Variants in EMC3 observed in about 807,000 individuals in gnomAD.
EMC3 encodes ER membrane protein complex subunit 3.
A neutral mutation model predicts 36.6 loss-of-function variants in EMC3; 13 were observed. The observed-to-expected ratio is 0.35, with a 90% CI of 0.23 to 0.56. The LOEUF (loss-of-function observed/expected upper bound fraction) is 0.56. Ranked by LOEUF, EMC3 falls within the 20% of genes least tolerant of loss-of-function variation. The pLI is 0.84. For missense variants in EMC3, 220 were observed against 324.5 expected, an observed-to-expected ratio of 0.68 and a Z score of 2.47; for synonymous variants, 120 against 111.9, an observed-to-expected ratio of 1.07 and a Z score of -0.46.
intron 1 of EMC3, among the ~76,000 whole-genome samples, chr3:9,998,808 G>A (rs369110997): frequency 6.6e-6 from 1 of 152,278 alleles, no homozygotes; most frequent in African/African-American, 2.4e-5. Flanking sequence ...ACAAGTTGGA[G>A]TGCAGTGGTA....
intron 1 of EMC3, chr3:10,002,841 T>C (rs2086220780): frequency 2.2e-6 from 1 of 455,786 alleles, no homozygotes; most frequent in South Asian, 1.5e-5. Context: ...GCAACAGTAG[T>C]GCAGACCCAG....
At chr3:9,987,880 C>G, upstream of EMC3, 1 of 805,484 alleles carries the variant, frequency 1.2e-6, no homozygotes, top group East Asian at 2.9e-5. Flanking sequence ...GAGCAGAACA[C>G]CATAGCTAAT....
upstream of EMC3, chr3:9,988,627 G>A (rs1260220546): frequency 2.8e-5 from 25 of 895,076 alleles, no homozygotes; most frequent in Admixed American, 2.3e-4. Flanking sequence ...TTGGCTCTTA[G>A]ATGAGATAAC....
upstream of EMC3, chr3:9,987,096 C>G (rs1330174110): frequency 1.3e-5 from 11 of 820,644 alleles, no homozygotes; most frequent in Non-Finnish European, 1.6e-5. Context: ...CGCCTGTAGT[C>G]GCAGCTACTC....
intron 1 of EMC3, chr3:10,004,034 G>A (rs1185491414): frequency 6.6e-6 from 1 of 152,130 alleles, no homozygotes; most frequent in African/African-American, 2.4e-5. Flanking sequence ...CGTTTCCTAG[G>A]CCAGGGCTAC....
At chr3:9,983,642 A>T (rs1390050156) in intron 1 of EMC3, among the ~76,000 whole-genome samples, 1 of 151,878 alleles carries the variant, frequency 6.6e-6, no homozygotes, top group Admixed American at 6.6e-5. Context: ...ACTGCACTCC[A>T]GCCTGGGCAA....
intron 1 of EMC3, among the ~76,000 whole-genome samples, chr3:9,999,372 GCTGGGACTATGGGC>G (rs1387870733): frequency 6.6e-6 from 1 of 151,778 alleles, no homozygotes; most frequent in Admixed American, 6.6e-5. Flanking sequence ...CTCCCGTGTA[GCTGGGACTATGGGC>G]CTGTGCCACA....
chr3:9,998,496 C>G (rs2086157957), intron 1 of EMC3, among the ~76,000 whole-genome samples: 1 of 151,098 alleles, frequency 6.6e-6, no homozygotes, highest in East Asian at 1.9e-4. Context: ...GTGGCGTGAT[C>G]ATAGTTCACT....
chr3:9,992,041 G>C (rs2086059635), intron 1 of EMC3, among the ~76,000 whole-genome samples: 1 of 152,144 alleles, frequency 6.6e-6, no homozygotes, highest in African/African-American at 2.4e-5. Flanking sequence ...TGTGCAGCTT[G>C]GTTCCTAGCA....
intron 7 of EMC3, 33 bp from the exon 8 acceptor site, chr3:9,964,230 G>C (rs780725134): frequency 5.0e-6 from 8 of 1,609,938 alleles, no homozygotes; most frequent in Non-Finnish European, 6.8e-6. Context: ...GGCAGGAAGA[G>C]AGGGAATTGT....
chr3:10,008,446 C>T (rs1373800407), intron 1 of EMC3: 1 of 1,367,730 alleles, frequency 7.3e-7, no homozygotes, highest in East Asian at 4.5e-5. Context: ...TTGTTCATCT[C>T]CCTTTGCTGC....
intron 1 of EMC3, among the ~76,000 whole-genome samples, chr3:9,980,210 C>T (rs982971593): frequency 6.6e-6 from 1 of 151,820 alleles, no homozygotes; most frequent in African/African-American, 2.4e-5. Flanking sequence ...GATGGGGTTT[C>T]ACCATGTTGG....
intron 7 of EMC3, among the ~76,000 whole-genome samples, chr3:9,967,624 T>C (rs181777661): frequency 3.6e-4 from 55 of 152,358 alleles, no homozygotes; most frequent in Admixed American, 2.5e-3. Flanking sequence ...TACAGCTTTG[T>C]AATAGGCTTT....
chr3:10,003,730 C>T (rs569636406), intron 1 of EMC3: 19 of 165,176 alleles, frequency 1.2e-4, no homozygotes, highest in Middle Eastern at 3.2e-3. Flanking sequence ...GTGATTGACA[C>T]CCCCAACACC....
upstream of EMC3, chr3:9,988,107 C>T: frequency 1.8e-6 from 1 of 554,238 alleles, no homozygotes; most frequent in Non-Finnish European, 3.3e-6. Context: ...CTTACAACTA[C>T]AAATAATGGT....
Position 10,008,426 on chromosome 3 carries a change from C to T in EMC3, c.-242+2597G>A, listed in dbSNP as rs185135517. 3.8e-4 allele frequency: 524 copies of T among 1,367,684 alleles called. 7 individuals carry two copies. The East Asian group carries it at 0.019, about 50-fold the overall frequency. The allele number at this position is 1,367,684 out of a possible 1,614,324, so 84.7% of individuals were successfully genotyped here. A position where few individuals can be genotyped will look rare whatever the true frequency, so the allele number is the denominator to read the frequency against. ...TACCTGGGCCGGCATGCAGGCCGGG[C>T]AACCTTGGCTTGTTCATCTCCCTTT... On this transcript the variant is annotated intron_variant, in intron 1 of 8. Transcript: ENST00000470827.
chr3:9,969,596 T>G (rs1480525106), intron 7 of EMC3, 123 bp downstream of exon 7: 3 of 1,548,230 alleles, frequency 1.9e-6, no homozygotes, highest in Non-Finnish European at 2.6e-6. Context: ...ACTATGTTTT[T>G]ACTAAGTTTA....
chr3:9,977,946 C>T (rs952238602), intron 1 of EMC3, among the ~76,000 whole-genome samples: 1 of 151,820 alleles, frequency 6.6e-6, no homozygotes, highest in African/African-American at 2.4e-5. Flanking sequence ...TCTCAGTAAA[C>T]ATTTATTGAA....
rs570968189 is a variant in EMC3, at chr3:9,996,622, A to G, written c.-241-9720T>C. Among the ~76,000 whole-genome samples, 6 of 152,280 alleles carry G rather than the reference A, an allele frequency of 3.9e-5. 1 individual carries two copies. The South Asian group carries it at 6.2e-4, about 16-fold the overall frequency. On this transcript the variant is annotated intron_variant, in intron 1 of 8. Transcript: ENST00000470827. ...CTGCCCTTTCTTGGATCCCCAGTCA[A>G]CACATTTTTTTAATTAAAAAAAATT...
Sources: allele counts gnomAD v4.1 joint callset (sites outside exome capture counted in the v4.1 genomes callset), GRCh38; gene constraint gnomAD v4.1.1; transcripts MANE v1.5; gene names NCBI Gene and HGNC (gene_info 2026-07-23, HGNC 2026-07-21).